ACACB: variants seen among roughly 807,000 people sequenced by gnomAD.
The protein encoded by ACACB is acetyl-CoA carboxylase beta.
In ACACB, 209 loss-of-function variants were observed where a neutral mutation model predicts 278.8. That is an observed-to-expected ratio of 0.75 (90% CI 0.67 to 0.84). The LOEUF (loss-of-function observed/expected upper bound fraction) is 0.84, where lower values mean the gene tolerates loss of function less well. Among genes scored for constraint, ACACB ranks in the 40% least tolerant of loss-of-function variants. The pLI, the probability that ACACB is intolerant of heterozygous loss-of-function variation, is 0.00. For synonymous variants in ACACB, 1,174 were observed against 1,285.6 expected (o/e 0.91, Z 1.86); for missense variants, 2,850 against 3,269.0 (o/e 0.87, Z 3.13).
rs200610311 is a variant in ACACB at position 109,170,794 on chromosome 12, T to TG, written c.926-1011_926-1010insG. Among the ~76,000 whole-genome samples, 158 of 76,146 alleles carry TG rather than the reference T, an allele frequency of 2.1e-3. 1 individual carries two copies. In the East Asian group the frequency reaches 0.069, roughly 33 times the overall value. The allele number at this position is 76,146 out of a possible 152,430, so 50.0% of individuals were successfully genotyped here. A position where few individuals can be genotyped will look rare whatever the true frequency, so the allele number is the denominator to read the frequency against. ...GTTAAGATGGTAAATTTTGTGTGTG[T>TG]TTTTTTTTTTACCATAATTTAAAAC... On this transcript the variant is annotated intron_variant, in intron 4 of 52. Coordinates refer to ENST00000338432, the MANE Select transcript of ACACB (RefSeq NM_001093.4).
chr12:109,257,551 A>G lies in ACACB; in HGVS notation c.6264-717A>G, dbSNP rs184195600. Among the ~76,000 whole-genome samples the G allele has an allele frequency of 1.3e-3, 201 of 152,084 alleles. 1 individual carries two copies. The highest frequency in any genetic ancestry group is 4.6e-3 in the African/African-American group (193 of 41,506). On this transcript the variant is annotated intron_variant, in intron 45 of 52. Transcript: ENST00000338432. ...GACCAGTGTAGTAGCTGCTGGCTACATGTGATGCTTTAGTTTCATTATTAT... is the reference window on the plus strand; with the variant it reads ...GACCAGTGTAGTAGCTGCTGGCTACGTGTGATGCTTTAGTTTCATTATTAT...
At chr12:109,124,550 C>T (rs1468846669) in intron 1 of ACACB, among the ~76,000 whole-genome samples, 1 of 152,178 alleles carries the variant, frequency 6.6e-6, no homozygotes, top group East Asian at 1.9e-4. Flanking sequence ...TCAGTCTGAC[C>T]TCCGTCGTAA....
At chr12:109,224,344 A>T (rs971665763) in intron 27 of ACACB, among the ~76,000 whole-genome samples, 1 of 151,666 alleles carries the variant, frequency 6.6e-6, no homozygotes, top group Non-Finnish European at 1.5e-5. Context: ...AGCCCAGGTG[A>T]CAACTTAAGG....
chr12:109,139,781 G>C lies in ACACB; in HGVS notation c.376G>C (p.Glu126Gln), dbSNP rs1353133373. The change falls in exon 2 of 53, where the codon GAG becomes CAG. Residue 126 changes from glutamate to glutamine, a missense_variant. Glu to Gln is a conservative substitution (Grantham distance 29). Coordinates refer to ENST00000338432, the MANE Select transcript of ACACB (RefSeq NM_001093.4). ...CAACGGGACTGGGACACAAGGTCTGGAGGCCACAGATACCAATGGCCTGTC... is the reference window on the plus strand; with the variant it reads ...CAACGGGACTGGGACACAAGGTCTGCAGGCCACAGATACCAATGGCCTGTC... Reference protein sequence around the residue: ...QANGTGTQGLEATDTNGLSSS... With the variant: ...QANGTGTQGLQATDTNGLSSS... The C allele has an allele frequency of 6.2e-7, 1 of 1,614,210 alleles. No homozygotes were observed.
chr12:109,141,714 C>G (rs1362964938), intron 2 of ACACB, among the ~76,000 whole-genome samples: 1 of 152,098 alleles, frequency 6.6e-6, no homozygotes, highest in African/African-American at 2.4e-5. Flanking sequence ...AAGTAGAAGA[C>G]AGAGAAAAAG....
At chr12:109,238,693 G>A (rs2046710109) in intron 34 of ACACB, among the ~76,000 whole-genome samples, 1 of 151,160 alleles carries the variant, frequency 6.6e-6, no homozygotes, top group African/African-American at 2.4e-5. Context: ...AGCCTTCTGA[G>A]TAGCTAGGAC....
In ACACB at chr12:109,239,826, G is replaced by T. The variant is rs1323321483; in HGVS notation, c.4663-4G>T. The T allele has an allele frequency of 1.9e-6, 3 of 1,608,548 alleles. No homozygotes were observed. Among genetic ancestry groups the T allele is most frequent in the Non-Finnish European group, 2.5e-6 (3 of 1,177,320 alleles). The stretch of plus-strand genomic sequence containing the variant: ...GAGCAGCTGCCCCTCCCACTCTTTG[G>T]CAGGAAGCCTCCTTCGAATACCTGC... On this transcript the variant is annotated splice_region_variant and splice_polypyrimidine_tract_variant and intron_variant, in intron 34 of 52. Coordinates refer to ENST00000338432, the MANE Select transcript of ACACB (RefSeq NM_001093.4).
Position 109,171,868 on chromosome 12 carries a change from C to T in ACACB, c.989C>T (p.Ala330Val). 1 of 1,614,130 alleles carries T rather than the reference C, an allele frequency of 6.2e-7. No individual in the cohort carries two copies. Among genetic ancestry groups the T allele is most frequent in the Non-Finnish European group, 8.5e-7 (1 of 1,180,002 alleles). Residue 330 changes from alanine to valine, a missense_variant, in exon 5 of 53, where the codon GCC (alanine) becomes GTC (valine). Ala to Val is a moderately conservative substitution (Grantham distance 64). Around this residue, in one of 3 missense-constraint regions of ACACB, gnomAD observed 2,265 missense variants for 2,561.3 expected, o/e 0.88. Transcript: ENST00000338432. ...VPGGPNNNNY[A>V]NVELIVDIAK... ...GGAGGGCCCAATAACAACAACTATGCCAACGTGGAGCTGATTGTGGACATT... is the reference window on the plus strand; with the variant it reads ...GGAGGGCCCAATAACAACAACTATGTCAACGTGGAGCTGATTGTGGACATT...
At chr12:109,228,635 G>A (rs1249830603) in intron 28 of ACACB, among the ~76,000 whole-genome samples, 1 of 150,448 alleles carries the variant, frequency 6.6e-6, no homozygotes, top group East Asian at 1.9e-4. Context: ...CTCCAGCCTG[G>A]GTGACAGAGC....
chr12:109,267,945 T>C lies in ACACB; in HGVS notation c.*1583T>C, dbSNP rs1304502137. 1 of 151,932 alleles carries C rather than the reference T, an allele frequency of 6.6e-6. No homozygotes were observed. Among genetic ancestry groups the C allele is most frequent in the African/African-American group, 2.4e-5 (1 of 41,340 alleles). The allele number at this position is 151,932 out of a possible 1,614,324, so 9.4% of individuals were successfully genotyped here. On this transcript the variant is annotated 3_prime_UTR_variant, in exon 53 of 53. Transcript: ENST00000338432. ...GCTGGGATGCTTGAGGGTATCCAAG[T>C]TGAAAAAGACAAAATCTGACCATCA...
chr12:109,172,437 TG>T, intron 6 of ACACB, 81 bp downstream of exon 6: 1 of 1,335,428 alleles, frequency 7.5e-7, no homozygotes, highest in Middle Eastern at 1.9e-4. Flanking sequence ...TTTCTCCTCC[TG>T]TCCTGTAAAG....
chr12:109,175,909 A>G (rs778463422), intron 7 of ACACB, 22 bp from the exon 8 acceptor site: 48 of 1,606,480 alleles, frequency 3.0e-5, no homozygotes, highest in African/African-American at 5.3e-5. Flanking sequence ...GGGAGGAATC[A>G]GGTTTCTTTG....
intron 44 of ACACB, among the ~76,000 whole-genome samples, chr12:109,255,232 C>A (rs2047195718): frequency 6.6e-6 from 1 of 152,168 alleles, no homozygotes; most frequent in Non-Finnish European, 1.5e-5. Flanking sequence ...GTCTGAGCAA[C>A]CAGAACACAA....
At chr12:109,154,064 T>C (rs1206438653) in intron 2 of ACACB, among the ~76,000 whole-genome samples, 1 of 152,220 alleles carries the variant, frequency 6.6e-6, no homozygotes, top group Non-Finnish European at 1.5e-5. Context: ...ATCTGTATTA[T>C]AGGGATAAAA....
At chr12:109,152,917 T>A (rs983471852) in intron 2 of ACACB, among the ~76,000 whole-genome samples, 1 of 152,094 alleles carries the variant, frequency 6.6e-6, no homozygotes, top group Non-Finnish European at 1.5e-5. Flanking sequence ...GTGCTGGGAT[T>A]ACAGGTGTGA....
chr12:109,161,359 C>T (rs548730571), intron 2 of ACACB, among the ~76,000 whole-genome samples: 13 of 151,982 alleles, frequency 8.6e-5, no homozygotes, highest in African/African-American at 1.7e-4. Context: ...CTCTGGCCAA[C>T]GTGTAAAACC....
chr12:109,226,581 C>T (rs939479558), intron 27 of ACACB, among the ~76,000 whole-genome samples: 7 of 151,888 alleles, frequency 4.6e-5, no homozygotes, highest in Non-Finnish European at 1.0e-4. Flanking sequence ...TGCCTGTAAT[C>T]CCAGCTACTC....
chr12:109,184,925 T>G (rs2044602656), intron 11 of ACACB, among the ~76,000 whole-genome samples: 1 of 152,124 alleles, frequency 6.6e-6, no homozygotes, highest in South Asian at 2.1e-4. Flanking sequence ...TTGCCCAGGC[T>G]GGTCTCCAAC....
intron 1 of ACACB, among the ~76,000 whole-genome samples, chr12:109,118,938 AG>A (rs1459750692): frequency 2.7e-4 from 41 of 152,230 alleles, no homozygotes; most frequent in African/African-American, 9.6e-4. Context: ...CTAGGAAGAT[AG>A]ACCGTGTTCA....
Sources: allele counts gnomAD v4.1 joint callset (sites outside exome capture counted in the v4.1 genomes callset), GRCh38; gene constraint gnomAD v4.1.1; regional missense constraint gnomAD v4.1.1; transcripts MANE v1.5; gene names NCBI Gene and HGNC (gene_info 2026-07-23, HGNC 2026-07-21).